The following EML4 variants were observed in gnomAD, a reference collection of about 807,000 sequenced individuals.
EML4 encodes echinoderm microtubule-associated protein-like 4.
EML4 carries 72 observed loss-of-function variants against 129.0 expected under a neutral mutation model. The observed-to-expected ratio is 0.56, with a 90% CI of 0.46 to 0.68. The LOEUF (loss-of-function observed/expected upper bound fraction) is 0.68, where lower values mean the gene tolerates loss of function less well. Ranked by LOEUF, EML4 falls within the 30% of genes least tolerant of loss-of-function variation. The pLI is 0.00. For missense variants in EML4, 1,363 were observed against 1,190.6 expected (o/e 1.14, Z -2.13); for synonymous variants, 532 against 405.0 (o/e 1.31, Z -3.77).
intron 2 of EML4, among the ~76,000 whole-genome samples, chr2:42,255,907 T>G (rs1313767453): frequency 6.6e-6 from 1 of 152,232 alleles, no homozygotes; most frequent in Non-Finnish European, 1.5e-5. Flanking sequence ...AATAAAAATG[T>G]TCTCTATTCC....
chr2:42,264,867 A>C (rs1259218560), intron 6 of EML4, 136 bp downstream of exon 6: 14 of 1,528,628 alleles, frequency 9.2e-6, no homozygotes, highest in Non-Finnish European at 1.2e-5. Context: ...GTAGTCATTT[A>C]GGAAAAAACC....
At chr2:42,218,740 G>T (rs112433854) in intron 1 of EML4, among the ~76,000 whole-genome samples, 2 of 152,332 alleles carry the variant, frequency 1.3e-5, no homozygotes, top group South Asian at 4.1e-4. Context: ...TTTAAGTACT[G>T]AAGATGCTTT....
At position 42,325,602 on chromosome 2, in the gene EML4, T is replaced by TTTTATATATATA. The variant is rs1286364147; in HGVS notation, c.2242+49_2242+50insTTATATATATAT. 6 of 124,280 alleles carry TTTTATATATATA rather than the reference T, an allele frequency of 4.8e-5. 1 individual carries two copies. The highest frequency in any genetic ancestry group is 1.5e-4 in the Admixed American group (1 of 6,824). The allele number at this position is 124,280 out of a possible 1,614,324, so 7.7% of individuals were successfully genotyped here. ...ATATATATATATGCTATGATTATAT[T>TTTTATATATATA]TATATATATATATATATATATATAT... On this transcript the variant is annotated intron_variant, in intron 20 of 22. Transcript: ENST00000318522.
chr2:42,173,543 G>A (rs1239951073), intron 1 of EML4, among the ~76,000 whole-genome samples: 1 of 152,100 alleles, frequency 6.6e-6, no homozygotes, highest in Admixed American at 6.6e-5. Context: ...GGAGCTTACT[G>A]CCTGGTTTTT....
intron 1 of EML4, among the ~76,000 whole-genome samples, chr2:42,178,513 A>C (rs1157695737): frequency 1.3e-5 from 2 of 152,152 alleles, no homozygotes; most frequent in Non-Finnish European, 2.9e-5. Flanking sequence ...ACTGCACTCC[A>C]GCCTGGGCAG....
Position 42,256,596 on chromosome 2 carries a change from G to T in EML4, c.304G>T (p.Ala102Ser), listed in dbSNP as rs1417666495. The change falls in exon 3 of 23, where the codon GCA becomes TCA. Residue 102 changes from alanine (A) to serine (S), a missense_variant. By Grantham distance (99) the Ala-to-Ser change is moderately conservative. Coordinates refer to ENST00000318522, the MANE Select transcript of EML4 (RefSeq NM_019063.5). ...KPSHTSAVSI[A>S]GKETLSSAAK... The stretch of plus-strand genomic sequence containing the variant: ...AAGTCATACCAGTGCTGTCTCAATT[G>T]CAGGAAAAGAAACTCTTTCATCTGC... 30 of 1,613,730 alleles carry T rather than the reference G, an allele frequency of 1.9e-5. No individual in the cohort carries two copies. Among genetic ancestry groups the T allele is most frequent in the Non-Finnish European group, 2.4e-5 (28 of 1,179,852 alleles).
intron 2 of EML4, among the ~76,000 whole-genome samples, chr2:42,251,667 G>A (rs1265126463): frequency 6.6e-6 from 1 of 152,184 alleles, no homozygotes; most frequent in African/African-American, 2.4e-5. Context: ...ATGAGGAGTG[G>A]AAGAAGTATG....
chr2:42,221,895 C>T (rs1337221437), intron 1 of EML4, among the ~76,000 whole-genome samples: 4 of 152,010 alleles, frequency 2.6e-5, no homozygotes, highest in African/African-American at 7.2e-5. Context: ...TGAGCCACCA[C>T]TCCAAGCCTA....
intron 1 of EML4, among the ~76,000 whole-genome samples, chr2:42,242,076 T>TA (rs1225618433): frequency 6.6e-6 from 1 of 152,088 alleles, no homozygotes; most frequent in Non-Finnish European, 1.5e-5. Context: ...AGTCATTTTT[T>TA]AAAAAATCAA....
intron 1 of EML4, among the ~76,000 whole-genome samples, chr2:42,232,912 A>C (rs2104210995): frequency 6.6e-6 from 1 of 152,118 alleles, no homozygotes; most frequent in African/African-American, 2.4e-5. Flanking sequence ...TTTTTAGTAG[A>C]GATGGGGTTT....
chr2:42,170,526 C>G (rs1670206848), intron 1 of EML4, among the ~76,000 whole-genome samples: 1 of 152,214 alleles, frequency 6.6e-6, no homozygotes, highest in African/African-American at 2.4e-5. Context: ...GTGTTCCTTT[C>G]ACCAGATGAA....
chr2:42,280,880 G>A lies in EML4; in HGVS notation c.698G>A (p.Gly233Asp). ...EGEYIKMFMR[G>D]RPITMFIPSD... Reference sequence around the variant, plus strand: ...GAATATATTAAAATGTTTATGCGCGGTCGGCCAATTACCATGTTCATTCCT... The same window carrying A: ...GAATATATTAAAATGTTTATGCGCGATCGGCCAATTACCATGTTCATTCCT... Residue 233 changes from glycine (G) to aspartate (D), a missense_variant, in exon 7 of 23, where the codon GGT becomes GAT. By Grantham distance (94) the Gly-to-Asp change is moderately conservative. Transcript: ENST00000318522. 1.9e-6 allele frequency: 3 copies of A among 1,611,690 alleles called. No homozygotes were observed. Among genetic ancestry groups the A allele is most frequent in the Non-Finnish European group, 2.5e-6 (3 of 1,178,810 alleles).
At chr2:42,216,060 C>T (rs115591097) in intron 1 of EML4, among the ~76,000 whole-genome samples, 1,537 of 151,520 alleles carry the variant, frequency 0.01, 27 homozygotes, top group African/African-American at 0.034. Context: ...GCTGAGACTA[C>T]AGGCACCCAA....
Position 42,332,286 on chromosome 2 carries a change from C to CA in EML4, c.*2083dup. ...TCATGATACTCTTCGGTGGTAGTTT[C>CA]AAAAGACACTACTAATACGCAGGAA... On this transcript the variant is annotated 3_prime_UTR_variant, in exon 23 of 23. Transcript: ENST00000318522. The CA allele has an allele frequency of 4.7e-6, 1 of 214,092 alleles. No individual in the cohort carries two copies. The highest frequency in any genetic ancestry group is 1.5e-3 in the Middle Eastern group (1 of 658). The allele number at this position is 214,092 out of a possible 1,614,324, so 13.3% of individuals were successfully genotyped here. A position where few individuals can be genotyped will look rare whatever the true frequency, so the allele number is the denominator to read the frequency against.
intron 17 of EML4, among the ~76,000 whole-genome samples, chr2:42,310,406 A>G (rs13413617): frequency 0.23 from 34,720 of 150,912 alleles, 5,611 homozygotes; most frequent in African/African-American, 0.47. Flanking sequence ...GTGCAGTGAC[A>G]TAATCTCAGC....
Position 42,169,636 on chromosome 2 carries a change from G to T in EML4, c.25G>T (p.Asp9Tyr). ...GATGGACGGTTTCGCCGGCAGTCTC[G>T]GTGAGTACGGCTGGGGAGTCCTGCG... is the stretch of plus-strand genomic sequence containing the variant. MDGFAGSL[D>Y]DSISAASTSD... is the part of the protein sequence containing the mutation. The change falls in exon 1 of 23, where the codon GAT becomes TAT. Residue 9 changes from aspartate (D) to tyrosine (Y), a missense_variant and splice_region_variant. By Grantham distance (160) the Asp-to-Tyr change is radical. Coordinates refer to ENST00000318522, the MANE Select transcript of EML4 (RefSeq NM_019063.5). The T allele has an allele frequency of 6.2e-7, 1 of 1,602,652 alleles. No individual in the cohort carries two copies.
chr2:42,325,565 A>C lies in EML4; in HGVS notation c.2242+11A>C. On this transcript the variant is annotated intron_variant, in intron 20 of 22. Coordinates refer to ENST00000318522, the MANE Select transcript of EML4 (RefSeq NM_019063.5). ...ATGAAATATTGTACTGTAAGTATGA[A>C]TGATTTTATATATATATATATATGC... 3 of 657,624 alleles carry C rather than the reference A, an allele frequency of 4.6e-6. No homozygotes were observed. Among genetic ancestry groups the C allele is most frequent in the Non-Finnish European group, 2.5e-6 (1 of 402,770 alleles). 40.7% of individuals were successfully genotyped at this position (657,624 alleles called of 1,614,324 possible).
chr2:42,205,634 T>TTTG (rs1007411461), intron 1 of EML4, among the ~76,000 whole-genome samples: 20 of 152,224 alleles, frequency 1.3e-4, no homozygotes, highest in Admixed American at 5.2e-4. Context: ...AGAAAGGGTT[T>TTTG]TTGTTGTTGT....
chr2:42,266,506 G>A (rs543596072), intron 6 of EML4, among the ~76,000 whole-genome samples: 1 of 152,044 alleles, frequency 6.6e-6, no homozygotes, highest in African/African-American at 2.4e-5. Context: ...CACATACCTG[G>A]CTGATTTTTG....
Sources: allele counts gnomAD v4.1 joint callset (sites outside exome capture counted in the v4.1 genomes callset), GRCh38; gene constraint gnomAD v4.1.1; transcripts MANE v1.5; gene names NCBI Gene and HGNC (gene_info 2026-07-23, HGNC 2026-07-21).